The following RBM6 variants were observed in gnomAD, a reference collection of about 807,000 sequenced individuals.
RBM6 encodes RNA binding motif protein 6.
Under a neutral mutation model 140.4 loss-of-function variants are expected in RBM6, and 23 were observed. The ratio of observed to expected loss-of-function variants is 0.16; its 90% CI spans 0.12 to 0.23. The LOEUF is 0.23. Ranked by LOEUF, RBM6 falls within the 10% of genes least tolerant of loss-of-function variation. The probability of loss-of-function intolerance (pLI) is 1.00; values close to 1 mark genes in which losing one functional copy is unlikely to be tolerated. For synonymous variants in RBM6, 439 were observed against 475.6 expected (o/e 0.92, Z 1.00); for missense variants, 1,139 against 1,386.7 (o/e 0.82, Z 2.84).
rs1280780361 is a variant in RBM6, at chr3:49,940,165, C to G, written c.-127C>G. 1.3e-5 allele frequency: 2 copies of G among 152,568 alleles called. No individual in the cohort carries two copies. Among genetic ancestry groups the G allele is most frequent in the Non-Finnish European group, 2.9e-5 (2 of 68,352 alleles). 9.5% of individuals were successfully genotyped at this position (152,568 alleles called of 1,614,324 possible). A position where few individuals can be genotyped will look rare whatever the true frequency, so the allele number is the denominator to read the frequency against. Reference sequence around the variant, plus strand: ...GGAGGAAGTTCCGGTGTCCGCGGCGCTGGGTCGGTGGCGGAGGCTGAGGAG... The same window carrying G: ...GGAGGAAGTTCCGGTGTCCGCGGCGGTGGGTCGGTGGCGGAGGCTGAGGAG... On this transcript the variant is annotated 5_prime_UTR_variant, in exon 1 of 21. Coordinates refer to ENST00000266022, the MANE Select transcript of RBM6 (RefSeq NM_005777.3).
chr3:49,972,578 G>A (rs2084850434), intron 4 of RBM6, among the ~76,000 whole-genome samples: 1 of 152,150 alleles, frequency 6.6e-6, no homozygotes, highest in South Asian at 2.1e-4. Flanking sequence ...CTGAACTTAT[G>A]GCAGTGCTCG....
At chr3:50,024,880 A>G (rs946892050) in intron 6 of RBM6, among the ~76,000 whole-genome samples, 1 of 152,002 alleles carries the variant, frequency 6.6e-6, no homozygotes, top group Admixed American at 6.6e-5. Context: ...AATCCCAGCT[A>G]CTTGAGATGC....
intron 6 of RBM6, among the ~76,000 whole-genome samples, chr3:50,007,785 G>A (rs890581684): frequency 1.2e-4 from 18 of 151,392 alleles, no homozygotes; most frequent in Non-Finnish European, 1.3e-4. Context: ...CACCCGCCTC[G>A]GCCTCCCAAA....
At chr3:50,048,559 T>G (rs1172385088) in intron 7 of RBM6, among the ~76,000 whole-genome samples, 5 of 152,198 alleles carry the variant, frequency 3.3e-5, no homozygotes, top group African/African-American at 1.2e-4. Context: ...CAAGGACATG[T>G]GCCATTATTT....
intron 4 of RBM6, among the ~76,000 whole-genome samples, chr3:49,972,929 C>G (rs1429721643): frequency 4.6e-5 from 7 of 151,650 alleles, no homozygotes; most frequent in East Asian, 3.9e-4. Context: ...CTCCCCAGTT[C>G]AAGCAGTTCT....
chr3:50,012,163 C>T (rs1416346751), intron 6 of RBM6, among the ~76,000 whole-genome samples: 1 of 151,952 alleles, frequency 6.6e-6, no homozygotes, highest in Non-Finnish European at 1.5e-5. Flanking sequence ...AGAACATTTT[C>T]ATTACCTCAA....
chr3:50,028,429 CT>C (rs1351803323), intron 6 of RBM6, among the ~76,000 whole-genome samples: 1 of 152,204 alleles, frequency 6.6e-6, no homozygotes, highest in East Asian at 1.9e-4. Context: ...GCATTTGTTT[CT>C]GTCAGGTTTC....
At chr3:49,944,539 G>C (rs994730838) in intron 1 of RBM6, among the ~76,000 whole-genome samples, 1 of 148,908 alleles carries the variant, frequency 6.7e-6, no homozygotes, top group Non-Finnish European at 1.5e-5. Context: ...GCAGTGGCGC[G>C]ACCTTGGCTC....
chr3:49,978,999 T>C (rs942259727), intron 5 of RBM6, among the ~76,000 whole-genome samples: 3 of 152,094 alleles, frequency 2.0e-5, no homozygotes, highest in Admixed American at 6.6e-5. Flanking sequence ...TTCTCAGCAA[T>C]GAAGAAGAAA....
intron 8 of RBM6, among the ~76,000 whole-genome samples, chr3:50,054,752 G>T (rs1380496732): frequency 6.6e-6 from 1 of 152,080 alleles, no homozygotes; most frequent in African/African-American, 2.4e-5. Flanking sequence ...CTGACCTTGT[G>T]ACCCGACCCA....
chr3:49,942,782 A>G (rs2083344199), intron 1 of RBM6, among the ~76,000 whole-genome samples: 1 of 152,274 alleles, frequency 6.6e-6, no homozygotes, highest in African/African-American at 2.4e-5. Flanking sequence ...AACACCAGCT[A>G]CTAAGGAGGC....
intron 8 of RBM6, among the ~76,000 whole-genome samples, chr3:50,056,168 G>A (rs552604335): frequency 9.2e-5 from 14 of 152,318 alleles, no homozygotes; most frequent in Middle Eastern, 3.4e-3. Flanking sequence ...ATGTGGGAAG[G>A]AGGATGAACA....
At chr3:49,955,969 G>T (rs894179954) in intron 1 of RBM6, among the ~76,000 whole-genome samples, 1 of 149,598 alleles carries the variant, frequency 6.7e-6, no homozygotes, top group Non-Finnish European at 1.5e-5. Context: ...AAGGACTTTT[G>T]CCATTTTGCT....
chr3:50,022,138 T>G (rs1482382296), intron 6 of RBM6, among the ~76,000 whole-genome samples: 1 of 152,144 alleles, frequency 6.6e-6, no homozygotes, highest in Non-Finnish European at 1.5e-5. Context: ...ATTTATTATT[T>G]TACTAACAGT....
chr3:50,058,545 G>T lies in RBM6; in HGVS notation c.2113G>T (p.Asp705Tyr). The T allele has an allele frequency of 6.2e-7, 1 of 1,609,882 alleles. No homozygotes were observed. Among genetic ancestry groups the T allele is most frequent in the South Asian group, 1.1e-5 (1 of 90,970 alleles). The change falls in exon 10 of 21, where the codon GAC becomes TAC. Residue 705 changes from aspartate to tyrosine, a missense_variant. Asp to Tyr is a radical substitution (Grantham distance 160). Transcript: ENST00000266022. ...TATGGGGCATACCTATGGCTTTATT[G>T]ACCTCGACTCCCATGCGGTGAGTTT... ...GPMGHTYGFI[D>Y]LDSHAEALRV...
chr3:49,954,127 T>A, intron 1 of RBM6, among the ~76,000 whole-genome samples: 1 of 144,264 alleles, frequency 6.9e-6, no homozygotes, highest in Non-Finnish European at 1.5e-5. Flanking sequence ...CAGAGTGAGA[T>A]AAGGTCTCAG....
In RBM6 at chr3:49,962,748, CG is replaced by C. The variant is rs2084339356; in HGVS notation, c.44+64del. Reference sequence around the variant, plus strand: ...TTTAATTATAAATGTGTAACATTTTCGCCTACTATAAATGAAGATATTTTCT... The same window carrying C: ...TTTAATTATAAATGTGTAACATTTTCCCTACTATAAATGAAGATATTTTCT... On this transcript the variant is annotated intron_variant, in intron 2 of 20. Transcript: ENST00000266022. The C allele has an allele frequency of 2.2e-6, 3 of 1,365,284 alleles. No individual in the cohort carries two copies. The South Asian group carries it at 4.1e-5, about 19-fold the overall frequency. The allele number at this position is 1,365,284 out of a possible 1,614,324, so 84.6% of individuals were successfully genotyped here.
At chr3:49,949,248 A>C (rs2083625427) in intron 1 of RBM6, among the ~76,000 whole-genome samples, 1 of 152,184 alleles carries the variant, frequency 6.6e-6, no homozygotes, top group Middle Eastern at 3.4e-3. Flanking sequence ...TTATGAAATA[A>C]AAAGAATAGG....
At chr3:49,953,851 G>A (rs553446491) in intron 1 of RBM6, among the ~76,000 whole-genome samples, 11 of 152,182 alleles carry the variant, frequency 7.2e-5, no homozygotes, top group African/African-American at 2.4e-4. Context: ...AAATTTTGTA[G>A]GCTGGGCAGG....
Sources: gnomAD v4.1 joint callset for allele counts (sites outside exome capture counted in the v4.1 genomes callset) on GRCh38, gnomAD v4.1.1 for gene constraint, MANE v1.5 for transcripts, NCBI Gene and HGNC (gene_info 2026-07-23, HGNC 2026-07-21) for gene names.